ADAMTSL3: variants seen among roughly 807,000 people sequenced by gnomAD.
ADAMTSL3 encodes the protein ADAMTS like 3, also known as ADAMTS-like protein 3.
In ADAMTSL3, 128 loss-of-function variants were observed where a neutral mutation model predicts 201.7. The observed-to-expected ratio is 0.63, with a 90% confidence interval of 0.55 to 0.73. The LOEUF (loss-of-function observed/expected upper bound fraction) is 0.73. ADAMTSL3 is among the 30% of genes least tolerant of loss of function. The pLI is 0.00. For missense variants in ADAMTSL3, 1,990 were observed against 2,119.6 expected, an observed-to-expected ratio of 0.94 and a Z score of 1.20; for synonymous variants, 738 against 748.4, an observed-to-expected ratio of 0.99 and a Z score of 0.23.
chr15:83,858,744 G>T (rs751302187), intron 7 of ADAMTSL3, 22 bp from the exon 8 acceptor site: 1 of 1,602,282 alleles, frequency 6.2e-7, no homozygotes, highest in East Asian at 2.2e-5. Flanking sequence ...TTTTATTGCA[G>T]TTGCGTTCTG....
intron 3 of ADAMTSL3, among the ~76,000 whole-genome samples, chr15:83,731,082 T>G (rs2062261405): frequency 4.6e-5 from 7 of 152,098 alleles, no homozygotes; most frequent in Admixed American, 4.6e-4. Flanking sequence ...TAGTTGACCA[T>G]ATATGTGTGG....
At chr15:83,734,780 G>C (rs924575371) in intron 3 of ADAMTSL3, among the ~76,000 whole-genome samples, 1 of 152,030 alleles carries the variant, frequency 6.6e-6, no homozygotes, top group African/African-American at 2.4e-5. Context: ...TTGCCCCCAG[G>C]GGTCACTCTC....
At chr15:84,017,201 T>C (rs534801781) in intron 25 of ADAMTSL3, among the ~76,000 whole-genome samples, 372 of 152,318 alleles carry the variant, frequency 2.4e-3, no homozygotes, top group African/African-American at 8.8e-3. Flanking sequence ...CACTGCAAGC[T>C]CCGCCTCCCA....
chr15:83,765,520 A>G (rs2062875279), intron 3 of ADAMTSL3, among the ~76,000 whole-genome samples: 1 of 152,210 alleles, frequency 6.6e-6, no homozygotes, highest in Non-Finnish European at 1.5e-5. Flanking sequence ...GTAGAACTGT[A>G]CTATTCATTA....
intron 23 of ADAMTSL3, among the ~76,000 whole-genome samples, chr15:84,009,015 C>A (rs2067955168): frequency 6.6e-6 from 1 of 152,316 alleles, no homozygotes; most frequent in South Asian, 2.1e-4. Flanking sequence ...CGTTCATTGC[C>A]ACTACACTGG....
rs552221714 is a variant in ADAMTSL3, at chr15:83,735,664, GT to G, written c.189+31167del. Reference sequence around the variant, plus strand: ...TGTTGGTAATCTCACTAACTTCAAGGTTTTTTTTTTTGTTTTGCTTTTTGTT... The same window carrying G: ...TGTTGGTAATCTCACTAACTTCAAGGTTTTTTTTTTGTTTTGCTTTTTGTT... On this transcript the variant is annotated intron_variant, in intron 3 of 29. Transcript: ENST00000286744. Among the ~76,000 whole-genome samples the G allele has an allele frequency of 1.8e-3, 255 of 144,628 alleles. 1 individual carries two copies. Among genetic ancestry groups the G allele is most frequent in the African/African-American group, 4.8e-3 (192 of 39,710 alleles). The allele number at this position is 144,628 out of a possible 152,430, so 94.9% of individuals were successfully genotyped here. A position where few individuals can be genotyped will look rare whatever the true frequency, so the allele number is the denominator to read the frequency against.
At chr15:83,660,417 A>G (rs1368680152) in intron 2 of ADAMTSL3, among the ~76,000 whole-genome samples, 1 of 152,190 alleles carries the variant, frequency 6.6e-6, no homozygotes, top group Non-Finnish European at 1.5e-5. Context: ...AATCAGCTCA[A>G]GGTAGCCCTG....
At chr15:83,870,699 AT>A in intron 8 of ADAMTSL3, 102 bp from the exon 9 acceptor site, 1 of 950,954 alleles carries the variant, frequency 1.1e-6, no homozygotes. Context: ...CTATTTTGAC[AT>A]TGTTTTGATA....
At chr15:83,815,300 A>G (rs1211617593) in intron 5 of ADAMTSL3, among the ~76,000 whole-genome samples, 1 of 152,202 alleles carries the variant, frequency 6.6e-6, no homozygotes. Flanking sequence ...ATTCCTACTT[A>G]AAGTCTACAA....
intron 23 of ADAMTSL3, among the ~76,000 whole-genome samples, chr15:83,992,046 G>T (rs770828841): frequency 1.3e-5 from 2 of 152,096 alleles, no homozygotes; most frequent in African/African-American, 2.4e-5. Context: ...ATGACTTTGC[G>T]TATGCCTTTG....
At chr15:83,936,339 A>G (rs1024872845) in intron 17 of ADAMTSL3, among the ~76,000 whole-genome samples, 1 of 150,914 alleles carries the variant, frequency 6.6e-6, no homozygotes, top group Non-Finnish European at 1.5e-5. Context: ...GGAAAACAGA[A>G]TAAAAACTAT....
intron 4 of ADAMTSL3, among the ~76,000 whole-genome samples, chr15:83,787,976 A>G (rs544768941): frequency 6.6e-6 from 1 of 152,306 alleles, no homozygotes; most frequent in South Asian, 2.1e-4. Context: ...AACTATTATG[A>G]AGGTATATTA....
chr15:83,724,069 T>A (rs182216851), intron 3 of ADAMTSL3, among the ~76,000 whole-genome samples: 40 of 151,954 alleles, frequency 2.6e-4, no homozygotes, highest in African/African-American at 8.9e-4. Context: ...TTGTTTTTTT[T>A]TAATTTTTAA....
At chr15:83,866,240 C>T (rs553825337) in intron 8 of ADAMTSL3, among the ~76,000 whole-genome samples, 36 of 152,204 alleles carry the variant, frequency 2.4e-4, no homozygotes, top group African/African-American at 8.4e-4. Flanking sequence ...ACCATTTAAC[C>T]CAGCAATCCC....
chr15:83,871,066 A>G, intron 9 of ADAMTSL3, 107 bp downstream of exon 9: 3 of 1,285,960 alleles, frequency 2.3e-6, no homozygotes, highest in South Asian at 2.6e-5. Context: ...TGTTTTTTAT[A>G]CAGAGCATGT....
intron 3 of ADAMTSL3, among the ~76,000 whole-genome samples, chr15:83,729,528 G>A (rs2062232883): frequency 6.6e-6 from 1 of 151,590 alleles, no homozygotes; most frequent in Non-Finnish European, 1.5e-5. Context: ...GATCATTTCT[G>A]CTGTTAAGGG....
At chr15:83,902,733 C>T (rs1447869327) in intron 15 of ADAMTSL3, among the ~76,000 whole-genome samples, 2 of 152,124 alleles carry the variant, frequency 1.3e-5, no homozygotes, top group African/African-American at 4.8e-5. Context: ...GAGTGGGATG[C>T]TCCAGCCACA....
intron 6 of ADAMTSL3, among the ~76,000 whole-genome samples, chr15:83,823,694 G>T (rs2063934109): frequency 6.6e-6 from 1 of 152,134 alleles, no homozygotes; most frequent in Non-Finnish European, 1.5e-5. Context: ...CCTCCAGTCT[G>T]TTCTTCACAC....
At chr15:83,785,248 A>C (rs908370039) in intron 4 of ADAMTSL3, among the ~76,000 whole-genome samples, 9 of 152,340 alleles carry the variant, frequency 5.9e-5, no homozygotes, top group Admixed American at 5.9e-4. Context: ...TCCATGGACC[A>C]CACTTCAAGC....
Sources: allele counts gnomAD v4.1 joint callset (sites outside exome capture counted in the v4.1 genomes callset), GRCh38; gene constraint gnomAD v4.1.1; transcripts MANE v1.5; gene names NCBI Gene and HGNC (gene_info 2026-07-23, HGNC 2026-07-21).